The following HMCN1 variants were observed in gnomAD, a reference collection of about 807,000 sequenced individuals.
HMCN1 encodes the protein hemicentin 1, also known as hemicentin-1.
Under a neutral mutation model 625.9 loss-of-function variants are expected in HMCN1, and 321 were observed. The ratio of observed to expected loss-of-function variants is 0.51; its 90% CI spans 0.47 to 0.56. The LOEUF is 0.56. HMCN1 is among the 20% of genes least tolerant of loss of function. The pLI is 0.00. For missense variants in HMCN1, 6,588 were observed against 6,887.3 expected, an observed-to-expected ratio of 0.96 and a Z score of 1.54; for synonymous variants, 2,425 against 2,417.6, an observed-to-expected ratio of 1.00 and a Z score of -0.09.
At chr1:186,081,496 AT>A in intron 56 of HMCN1, 102 bp downstream of exon 56, 1 of 806,004 alleles carries the variant, frequency 1.2e-6, no homozygotes, top group East Asian at 2.7e-5. Context: ...GCTTGTAAAT[AT>A]TATATTTGTA....
chr1:185,825,152 G>A (rs1660436915), intron 1 of HMCN1, among the ~76,000 whole-genome samples: 1 of 152,096 alleles, frequency 6.6e-6, no homozygotes, highest in African/African-American at 2.4e-5. Context: ...TGTTTACACA[G>A]ATATTAGCCA....
At chr1:185,834,899 A>T (rs1043633955) in intron 1 of HMCN1, among the ~76,000 whole-genome samples, 2 of 152,210 alleles carry the variant, frequency 1.3e-5, no homozygotes, top group Non-Finnish European at 2.9e-5. Context: ...TTGAAGTAAG[A>T]TGTGATAAGT....
At chr1:185,787,469 G>T (rs1478664044) in intron 1 of HMCN1, among the ~76,000 whole-genome samples, 1 of 152,202 alleles carries the variant, frequency 6.6e-6, no homozygotes, top group Admixed American at 6.5e-5. Context: ...CTCATGGCAT[G>T]CTAAGAGTGC....
intron 1 of HMCN1, among the ~76,000 whole-genome samples, chr1:185,776,442 TTGTGTGTGTGTGTG>T (rs57003461): frequency 1.4e-5 from 2 of 146,984 alleles, no homozygotes; most frequent in African/African-American, 2.5e-5. Flanking sequence ...TTGTATAGGG[TTGTGTGTGTGTGTG>T]TGTGTGTGTG....
chr1:185,961,448 A>G (rs1650017197), intron 11 of HMCN1, among the ~76,000 whole-genome samples: 1 of 152,228 alleles, frequency 6.6e-6, no homozygotes, highest in South Asian at 2.1e-4. Flanking sequence ...TGCCTGGCAC[A>G]TAATAATTAT....
chr1:185,997,580 C>A, intron 25 of HMCN1, 56 bp downstream of exon 25: 1 of 1,178,052 alleles, frequency 8.5e-7, no homozygotes, highest in African/African-American at 1.5e-5. Flanking sequence ...TTTCAGAATG[C>A]TATATTGAAC....
chr1:186,075,975 C>T (rs1658787285), intron 53 of HMCN1, among the ~76,000 whole-genome samples: 2 of 152,116 alleles, frequency 1.3e-5, no homozygotes, highest in Admixed American at 1.3e-4. Context: ...TGAAAATGTC[C>T]TATTATTTTT....
At chr1:186,029,632 T>G (rs1405176799) in intron 36 of HMCN1, among the ~76,000 whole-genome samples, 1 of 151,952 alleles carries the variant, frequency 6.6e-6, no homozygotes, top group African/African-American at 2.4e-5. Flanking sequence ...TTTATCTTAG[T>G]GTAGCTGAAG....
intron 4 of HMCN1, among the ~76,000 whole-genome samples, chr1:185,893,178 G>T (rs1665243642): frequency 6.6e-6 from 1 of 152,214 alleles, no homozygotes; most frequent in Non-Finnish European, 1.5e-5. Flanking sequence ...CTCACGCACG[G>T]TGCCTGCACC....
intron 10 of HMCN1, among the ~76,000 whole-genome samples, chr1:185,932,666 C>T (rs1229474359): frequency 6.6e-6 from 1 of 151,654 alleles, no homozygotes; most frequent in Non-Finnish European, 1.5e-5. Context: ...GGGAGTTGAA[C>T]GATGAGAACA....
At chr1:186,177,303 CAAA>C (rs58160762) in intron 103 of HMCN1, 34 of 123,970 alleles carry the variant, frequency 2.7e-4, no homozygotes, top group East Asian at 4.7e-4. Context: ...AACTCCATCT[CAAA>C]AAAAAAAAAA....
intron 8 of HMCN1, 62 bp downstream of exon 8, chr1:185,923,715 T>C (rs767902332): frequency 2.7e-5 from 37 of 1,345,752 alleles, no homozygotes; most frequent in Non-Finnish European, 3.9e-5. Context: ...TGTTGTCCCA[T>C]AGGTAAATAA....
intron 98 of HMCN1, among the ~76,000 whole-genome samples, chr1:186,165,582 C>G (rs546742494): frequency 6.6e-6 from 1 of 152,194 alleles, no homozygotes; most frequent in South Asian, 2.1e-4. Context: ...GGATTGTGGA[C>G]TTATGACTAA....
At chr1:185,892,654 G>C (rs1405956333) in intron 4 of HMCN1, among the ~76,000 whole-genome samples, 1 of 152,062 alleles carries the variant, frequency 6.6e-6, no homozygotes, top group East Asian at 1.9e-4. Context: ...CACTTGAGGA[G>C]GCAGTCTGCC....
At chr1:186,000,613 A>G (rs1279593777) in intron 26 of HMCN1, among the ~76,000 whole-genome samples, 1 of 150,354 alleles carries the variant, frequency 6.7e-6, no homozygotes, top group East Asian at 1.9e-4. Flanking sequence ...CTTCCCGGAG[A>G]TATTTTATGA....
At chr1:186,018,696 A>T (rs572142858) in intron 34 of HMCN1, among the ~76,000 whole-genome samples, 1 of 152,150 alleles carries the variant, frequency 6.6e-6, no homozygotes, top group African/African-American at 2.4e-5. Context: ...GGCACGGAGC[A>T]AGTTCCAAGT....
chr1:186,173,982 C>A (rs1220863582), intron 102 of HMCN1, among the ~76,000 whole-genome samples: 1 of 152,158 alleles, frequency 6.6e-6, no homozygotes, highest in Non-Finnish European at 1.5e-5. Flanking sequence ...AAAAGAAATG[C>A]TTTTCCATAG....
Position 186,144,666 on chromosome 1 carries a change from T to A in HMCN1, c.14229T>A (p.Asp4743Glu), listed in dbSNP as rs746810106. 9 of 1,614,012 alleles carry A rather than the reference T, an allele frequency of 5.6e-6. No homozygotes were observed. Among genetic ancestry groups the A allele is most frequent in the Admixed American group, 1.7e-5 (1 of 59,998 alleles). Residue 4743 changes from aspartate (D) to glutamate (E), a missense_variant, in exon 91 of 107, where the codon GAT becomes GAA. By Grantham distance (45) the Asp-to-Glu change is conservative. Transcript: ENST00000271588. ...QYGGRKCEGSDVQSDFCNSDP... is the reference protein window; with the variant it reads ...QYGGRKCEGSEVQSDFCNSDP... ...GAGGAAGGAAATGCGAAGGGAGTGA[T>A]GTCCAGAGTGATTTTTGCAACAGTG...
intron 53 of HMCN1, 60 bp downstream of exon 53, chr1:186,074,951 A>G: frequency 7.2e-7 from 1 of 1,391,946 alleles, no homozygotes; most frequent in Non-Finnish European, 1.0e-6. Flanking sequence ...AGTAAAAGAA[A>G]AGAGATTTGA....
Sources: gnomAD v4.1 joint callset for allele counts (sites outside exome capture counted in the v4.1 genomes callset) on GRCh38, gnomAD v4.1.1 for gene constraint, MANE v1.5 for transcripts, NCBI Gene and HGNC (gene_info 2026-07-23, HGNC 2026-07-21) for gene names.